NCK1: variants seen among roughly 807,000 people sequenced by gnomAD.
NCK1 encodes SH2/SH3 adapter protein NCK1.
A neutral mutation model predicts 36.6 loss-of-function variants in NCK1; 19 were observed. That is an observed-to-expected ratio of 0.52 (90% CI 0.36 to 0.76). The LOEUF is 0.76. Ranked by LOEUF, NCK1 falls within the 30% of genes least tolerant of loss-of-function variation. The probability of loss-of-function intolerance (pLI) is 0.00; values close to 1 mark genes in which losing one functional copy is unlikely to be tolerated. For synonymous variants in NCK1, 165 were observed against 156.0 expected (o/e 1.06, Z -0.43); for missense variants, 358 against 445.6 (o/e 0.80, Z 1.77).
intron 1 of NCK1, among the ~76,000 whole-genome samples, chr3:136,923,425 G>A (rs576411726): frequency 2.0e-5 from 3 of 152,042 alleles, no homozygotes; most frequent in South Asian, 2.1e-4. Flanking sequence ...GCATGGTGGC[G>A]GGCACCTGTA....
intron 2 of NCK1, among the ~76,000 whole-genome samples, chr3:136,939,600 T>A (rs186066540): frequency 1.3e-5 from 2 of 152,118 alleles, no homozygotes; most frequent in African/African-American, 4.8e-5. Context: ...TAAATTTCCC[T>A]CTGAGCATTG....
intron 2 of NCK1, among the ~76,000 whole-genome samples, chr3:136,944,747 C>T (rs936000252): frequency 6.6e-6 from 1 of 152,126 alleles, no homozygotes; most frequent in Non-Finnish European, 1.5e-5. Context: ...GAAGTTTTAC[C>T]TAGGGAAGCC....
chr3:136,930,465 G>A (rs1434802515), intron 2 of NCK1: 2 of 1,276,798 alleles, frequency 1.6e-6, no homozygotes, highest in Non-Finnish European at 2.0e-6. Flanking sequence ...GATTGGGTGT[G>A]GGAAGTTTCA....
intron 2 of NCK1, among the ~76,000 whole-genome samples, chr3:136,935,896 A>G (rs1940517235): frequency 6.6e-6 from 1 of 152,010 alleles, no homozygotes; most frequent in Non-Finnish European, 1.5e-5. Flanking sequence ...CTATGGATTT[A>G]CCTATTCTGG....
rs570938002 is a variant in NCK1, at chr3:136,892,192, TTTG to T, written c.-19+29860_-19+29862del. ...TGTGAGTCACCACACCCAGCTGGAT[TTTG>T]TTGTTGTTGTTGTTGTTGTTTTTGA... On this transcript the variant is annotated intron_variant, in intron 1 of 3. Coordinates refer to ENST00000481752, the MANE Select transcript of NCK1 (RefSeq NM_001291999.2). Among the ~76,000 whole-genome samples, 8 of 152,130 alleles carry T rather than the reference TTTG, an allele frequency of 5.3e-5. No homozygotes were observed. In the East Asian group the frequency reaches 9.7e-4, roughly 18 times the overall value.
chr3:136,902,230 C>CTTTTTTTTTTTT (rs1939564556), intron 1 of NCK1, among the ~76,000 whole-genome samples: 1 of 119,070 alleles, frequency 8.4e-6, no homozygotes, highest in Non-Finnish European at 1.7e-5. Context: ...CAGAGTTTTG[C>CTTTTTTTTTTTT]TTAGTCACCC....
chr3:136,879,383 C>G (rs1409157302), intron 1 of NCK1, among the ~76,000 whole-genome samples: 1 of 152,014 alleles, frequency 6.6e-6, no homozygotes, highest in Admixed American at 6.6e-5. Context: ...TATGGGTATC[C>G]TGGAAAAATG....
intron 1 of NCK1, among the ~76,000 whole-genome samples, chr3:136,921,509 T>C (rs1405683807): frequency 6.6e-6 from 1 of 152,226 alleles, no homozygotes; most frequent in Non-Finnish European, 1.5e-5. Context: ...TTGTACTTCA[T>C]TTCTTAGTGC....
intron 2 of NCK1, among the ~76,000 whole-genome samples, chr3:136,930,124 C>T (rs965992923): frequency 4.6e-5 from 7 of 152,076 alleles, no homozygotes; most frequent in Non-Finnish European, 1.0e-4. Flanking sequence ...TTTCCCTTTT[C>T]TCATAATTTC....
intron 1 of NCK1, among the ~76,000 whole-genome samples, chr3:136,869,315 G>A (rs1938539829): frequency 6.6e-6 from 1 of 152,198 alleles, no homozygotes; most frequent in African/African-American, 2.4e-5. Flanking sequence ...GGGAGGCTGA[G>A]GTGGGCGGAT....
At chr3:136,874,905 T>G (rs1034337008) in intron 1 of NCK1, among the ~76,000 whole-genome samples, 1 of 152,214 alleles carries the variant, frequency 6.6e-6, no homozygotes, top group Non-Finnish European at 1.5e-5. Context: ...CATTGTTTTC[T>G]AGCTTGTCAT....
At position 136,916,819 on chromosome 3, in the gene NCK1, G is replaced by A. The variant is rs565822969; in HGVS notation, c.-18-11165G>A. Among the ~76,000 whole-genome samples the A allele has an allele frequency of 5.3e-5, 8 of 152,246 alleles. No individual in the cohort carries two copies. The East Asian group carries it at 1.4e-3, about 26-fold the overall frequency. ...AAAAGAGACTTTTTTATATTATCCA[G>A]TTCAATTCCCTTATTTTGTAGATAA... is the stretch of plus-strand genomic sequence containing the variant. On this transcript the variant is annotated intron_variant, in intron 1 of 3. Coordinates refer to ENST00000481752, the MANE Select transcript of NCK1 (RefSeq NM_001291999.2).
At chr3:136,930,360 A>G (rs776490617) in intron 2 of NCK1, 4 of 909,146 alleles carry the variant, frequency 4.4e-6, no homozygotes, top group Non-Finnish European at 5.7e-6. Flanking sequence ...TTTACTTGTT[A>G]TACAGGCTGT....
At chr3:136,919,770 G>C (rs1039930557) in intron 1 of NCK1, among the ~76,000 whole-genome samples, 1 of 152,092 alleles carries the variant, frequency 6.6e-6, no homozygotes, top group African/African-American at 2.4e-5. Context: ...TATAGGTCAT[G>C]ATAAATATGA....
At chr3:136,892,068 G>A (rs947722462) in intron 1 of NCK1, among the ~76,000 whole-genome samples, 1 of 151,726 alleles carries the variant, frequency 6.6e-6, no homozygotes, top group African/African-American at 2.4e-5. Flanking sequence ...TTTATTTTTT[G>A]TAGAGATGGG....
chr3:136,923,554 C>T (rs1466773012), intron 1 of NCK1, among the ~76,000 whole-genome samples: 2 of 98,622 alleles, frequency 2.0e-5, no homozygotes, highest in Admixed American at 9.3e-5. Flanking sequence ...TGCGAGACTC[C>T]GTCTCAAATA....
At chr3:136,868,010 C>G (rs545459084) in intron 1 of NCK1, among the ~76,000 whole-genome samples, 1 of 152,064 alleles carries the variant, frequency 6.6e-6, no homozygotes, top group East Asian at 1.9e-4. Context: ...CTCCGCCTCT[C>G]GGGTTCAAGC....
chr3:136,941,963 C>T (rs1201737927), intron 2 of NCK1, among the ~76,000 whole-genome samples: 2 of 152,114 alleles, frequency 1.3e-5, no homozygotes, highest in Admixed American at 6.5e-5. Flanking sequence ...CTCAGCTTCC[C>T]GAGTAGCTGG....
intron 1 of NCK1, among the ~76,000 whole-genome samples, chr3:136,913,701 C>T (rs1287026684): frequency 6.6e-6 from 1 of 152,158 alleles, no homozygotes; most frequent in Non-Finnish European, 1.5e-5. Flanking sequence ...CGGAATCTCA[C>T]TCTTTCGCCC....
Sources: gnomAD v4.1 joint callset for allele counts (sites outside exome capture counted in the v4.1 genomes callset) on GRCh38, gnomAD v4.1.1 for gene constraint, MANE v1.5 for transcripts, NCBI Gene and HGNC (gene_info 2026-07-23, HGNC 2026-07-21) for gene names.